Variants in TRIM21 observed in about 807,000 individuals in gnomAD.
The protein encoded by TRIM21 is tripartite motif containing 21, also known as E3 ubiquitin-protein ligase TRIM21.
Under a neutral mutation model 36.1 loss-of-function variants are expected in TRIM21, and 35 were observed. That is an observed-to-expected ratio of 0.97 (90% confidence interval 0.74 to 1.28). The LOEUF is 1.28. Ranked by LOEUF, TRIM21 falls within the 50% of genes most tolerant of loss-of-function variation. The probability of loss-of-function intolerance (pLI) is 0.00; values close to 1 mark genes in which losing one functional copy is unlikely to be tolerated. For missense variants in TRIM21, 635 were observed against 570.7 expected, an observed-to-expected ratio of 1.11 and a Z score of -1.15; for synonymous variants, 256 against 211.5, an observed-to-expected ratio of 1.21 and a Z score of -1.83.
In TRIM21 at chr11:4,389,646, A is replaced by G; in HGVS notation, c.504+8T>C. The G allele has an allele frequency of 6.2e-7, 1 of 1,612,736 alleles. No homozygotes were observed. The highest frequency in any genetic ancestry group is 8.5e-7 in the Non-Finnish European group (1 of 1,178,780). ...AGCCTAAGATCTCCTTCAGGATGTC[A>G]TTCTTACCTTCCAGTCTGCTCTCTT... On this transcript the variant is annotated splice_region_variant and intron_variant, in intron 3 of 6. Transcript: ENST00000254436.
intron 4 of TRIM21, among the ~76,000 whole-genome samples, chr11:4,387,595 C>G (rs1303721397): frequency 6.6e-6 from 1 of 152,090 alleles, no homozygotes; most frequent in African/African-American, 2.4e-5. Flanking sequence ...GTGGCTCACT[C>G]TTGTAATCCC....
At position 4,388,497 on chromosome 11, in the gene TRIM21, C is replaced by T. The variant is rs574966130; in HGVS notation, c.538G>A (p.Ala180Thr). ...TVETQKSRIH[A>T]EFVQQKNFLV... ...AAGTTTTTTTGCTGCACAAACTCTG[C>T]GTGAATCCTAGATTTCTGTGTTTCC... is the stretch of plus-strand genomic sequence containing the variant. The change falls in exon 4 of 7, where the codon GCA becomes ACA. Residue 180 changes from alanine (A) to threonine (T), a missense_variant. Physicochemically the swap from Ala to Thr is moderately conservative, Grantham distance 58 (BLOSUM62 0). Transcript: ENST00000254436. The T allele has an allele frequency of 2.7e-5, 44 of 1,611,530 alleles. No individual in the cohort carries two copies. Among genetic ancestry groups the T allele is most frequent in the South Asian group, 1.2e-4 (11 of 91,080 alleles).
chr11:4,387,076 T>G, intron 4 of TRIM21, 86 bp from the exon 5 acceptor site: 1 of 1,413,230 alleles, frequency 7.1e-7, no homozygotes, highest in South Asian at 1.2e-5. Context: ...GATCCATCTT[T>G]GGTCCCTGGG....
chr11:4,390,039 G>T lies in TRIM21; in HGVS notation c.371C>A (p.Ala124Asp). The change falls in exon 2 of 7, where the codon GCC becomes GAC. Residue 124 changes from alanine (A) to aspartate (D), a missense_variant. By Grantham distance (126) the Ala-to-Asp change is moderately radical. Coordinates refer to ENST00000254436, the MANE Select transcript of TRIM21 (RefSeq NM_003141.4). ...CAQSRKHRDH[A>D]MVPLEEAAQE... ...TGCAGCCTCCTCAAGAGGGACCATG[G>T]CGTGGTCACGGTGTTTCCGAGACTG... 6.2e-7 allele frequency: 1 copy of T among 1,613,900 alleles called. No individual in the cohort carries two copies. The highest frequency in any genetic ancestry group is 1.1e-5 in the South Asian group (1 of 91,072).
At chr11:4,391,426 C>G (rs1041961541) in intron 1 of TRIM21, among the ~76,000 whole-genome samples, 1 of 152,168 alleles carries the variant, frequency 6.6e-6, no homozygotes, top group African/African-American at 2.4e-5. Context: ...CAGGCTATAA[C>G]AAATGCTGGT....
At chr11:4,385,880 C>T (rs918912204) in intron 6 of TRIM21, 27 bp from the exon 7 acceptor site, 5 of 1,573,000 alleles carry the variant, frequency 3.2e-6, no homozygotes, top group Non-Finnish European at 4.3e-6. Context: ...ACAGTCAGGC[C>T]TTGCATGGGG....
In TRIM21 at chr11:4,385,216, G is replaced by GA; in HGVS notation, c.*68dup. On this transcript the variant is annotated 3_prime_UTR_variant, in exon 7 of 7. Transcript: ENST00000254436. ...ACAAAGGTGGTTCAGAGTTCATGGGGAAAAGAGGCAGGGTTTGTGGCTGAG... is the reference window on the plus strand; with the variant it reads ...ACAAAGGTGGTTCAGAGTTCATGGGGAAAAAGAGGCAGGGTTTGTGGCTGAG... 1 of 1,459,696 alleles carries GA rather than the reference G, an allele frequency of 6.9e-7. No homozygotes were observed. Among genetic ancestry groups the GA allele is most frequent in the Non-Finnish European group, 9.2e-7 (1 of 1,082,760 alleles). The allele number at this position is 1,459,696 out of a possible 1,614,324, so 90.4% of individuals were successfully genotyped here. A position where few individuals can be genotyped will look rare whatever the true frequency, so the allele number is the denominator to read the frequency against.
rs2094958765 is a variant in TRIM21 at position 4,388,302 on chromosome 11, G to T, written c.733C>A (p.Gln245Lys). The change falls in exon 4 of 7, where the codon CAG becomes AAG. Residue 245 changes from glutamine (Q) to lysine (K), a missense_variant and splice_region_variant. Transcript: ENST00000254436. ...AAGGAAACCCCTCCCTGTCTCACCT[G>T]CAGCAGTTCCAGTGCTGAGCTGTGG... is the stretch of plus-strand genomic sequence containing the variant. ...RCHSSALELL[Q>K]EVIIVLERSE... 1 of 1,608,046 alleles carries T rather than the reference G, an allele frequency of 6.2e-7. No homozygotes were observed. The highest frequency in any genetic ancestry group is 1.3e-5 in the African/African-American group (1 of 74,916).
At chr11:4,385,896 T>C in intron 6 of TRIM21, 43 bp from the exon 7 acceptor site, 1 of 1,510,342 alleles carries the variant, frequency 6.6e-7, no homozygotes, top group African/African-American at 1.4e-5. Context: ...TGGGGGGAGT[T>C]CACTAAGTCT....
chr11:4,393,011 T>C (rs950755884), intron 1 of TRIM21, among the ~76,000 whole-genome samples: 3 of 152,362 alleles, frequency 2.0e-5, no homozygotes, highest in African/African-American at 7.2e-5. Context: ...GGTGTATATG[T>C]ATGTATACAC....
Position 4,385,075 on chromosome 11 carries a change from T to C in TRIM21, c.*210A>G, listed in dbSNP as rs2094954410. On this transcript the variant is annotated 3_prime_UTR_variant, in exon 7 of 7. Coordinates refer to ENST00000254436, the MANE Select transcript of TRIM21 (RefSeq NM_003141.4). ...TTGATCAAGATGAGTTTGGGCCAAA[T>C]ATAAGGAGGCTGCTTCACTGGAGGG... The C allele has an allele frequency of 3.7e-6, 2 of 541,662 alleles. No homozygotes were observed. The highest frequency in any genetic ancestry group is 3.8e-5 in the African/African-American group (2 of 52,522). 33.6% of individuals were successfully genotyped at this position (541,662 alleles called of 1,614,324 possible).
chr11:4,392,567 A>AAAAACAAAACCAAACAAAACAAAAC (rs1554892133), intron 1 of TRIM21, among the ~76,000 whole-genome samples: 2 of 151,652 alleles, frequency 1.3e-5, no homozygotes, highest in African/African-American at 4.9e-5. Context: ...ACTCCCTCTC[A>AAAAACAAAACCAAACAAAACAAAAC]AAAACAAAAC....
chr11:4,387,088 C>A (rs976602825), intron 4 of TRIM21, 98 bp from the exon 5 acceptor site: 50 of 1,254,076 alleles, frequency 4.0e-5, no homozygotes, highest in South Asian at 2.5e-4. Context: ...GTCCCTGGGG[C>A]ACTGTTCCTC....
chr11:4,392,945 T>C (rs551884248), intron 1 of TRIM21, among the ~76,000 whole-genome samples: 2 of 152,302 alleles, frequency 1.3e-5, no homozygotes, highest in African/African-American at 4.8e-5. Flanking sequence ...ATGCTTTGAA[T>C]ATATCTTCAT....
At chr11:4,391,500 T>C (rs1217611901) in intron 1 of TRIM21, among the ~76,000 whole-genome samples, 1 of 152,192 alleles carries the variant, frequency 6.6e-6, no homozygotes, top group African/African-American at 2.4e-5. Flanking sequence ...GTACAATCAC[T>C]ACAGAGAACA....
chr11:4,389,973 G>A, intron 2 of TRIM21, 29 bp downstream of exon 2: 1 of 1,605,968 alleles, frequency 6.2e-7, no homozygotes, highest in Non-Finnish European at 8.5e-7. Context: ...TGAAAACGAA[G>A]CACTCACCAG....
At chr11:4,386,620 C>A (rs1170386855) in intron 5 of TRIM21, among the ~76,000 whole-genome samples, 1 of 152,136 alleles carries the variant, frequency 6.6e-6, no homozygotes, top group East Asian at 1.9e-4. Context: ...ACTCATGGCT[C>A]TTTTTGGGAG....
rs1275813441 is a variant in TRIM21, at chr11:4,389,642, T to G, written c.504+12A>C. The G allele has an allele frequency of 2.5e-6, 4 of 1,611,208 alleles. No individual in the cohort carries two copies. The highest frequency in any genetic ancestry group is 3.4e-6 in the Non-Finnish European group (4 of 1,177,346). ...TTCCAGCCTAAGATCTCCTTCAGGA[T>G]GTCATTCTTACCTTCCAGTCTGCTC... On this transcript the variant is annotated intron_variant, in intron 3 of 6. Coordinates refer to ENST00000254436, the MANE Select transcript of TRIM21 (RefSeq NM_003141.4).
chr11:4,386,794 G>A (rs11032063), intron 5 of TRIM21, among the ~76,000 whole-genome samples, 174 bp downstream of exon 5: 23 of 152,188 alleles, frequency 1.5e-4, no homozygotes, highest in Non-Finnish European at 3.2e-4. Flanking sequence ...CAATTGAGAT[G>A]TCCATTTATT....
Sources: gnomAD v4.1 joint callset for allele counts (sites outside exome capture counted in the v4.1 genomes callset) on GRCh38, gnomAD v4.1.1 for gene constraint, MANE v1.5 for transcripts, NCBI Gene and HGNC (gene_info 2026-07-23, HGNC 2026-07-21) for gene names.